The following C6orf52 variants were observed in gnomAD, a reference collection of about 807,000 sequenced individuals.
C6orf52 encodes putative uncharacterized protein C6orf52.
In C6orf52, 16 loss-of-function variants were observed where a neutral mutation model predicts 16.6. The ratio of observed to expected loss-of-function variants is 0.96; its 90% confidence interval spans 0.65 to 1.46. The LOEUF is 1.46. Ranked by LOEUF, C6orf52 falls within the 40% of genes most tolerant of loss-of-function variation. The pLI is 0.00. For missense variants in C6orf52, 166 were observed against 182.3 expected, an observed-to-expected ratio of 0.91 and a Z score of 0.52; for synonymous variants, 53 against 61.4, an observed-to-expected ratio of 0.86 and a Z score of 0.64.
At chr6:10,672,438 G>T in intron 4 of C6orf52, 1 of 533,064 alleles carries the variant, frequency 1.9e-6, no homozygotes, top group Non-Finnish European at 3.3e-6. Context: ...AAGGCATTTG[G>T]AGATGGGGCC....
At chr6:10,672,800 T>C (rs1767546842) in intron 4 of C6orf52, among the ~76,000 whole-genome samples, 1 of 152,178 alleles carries the variant, frequency 6.6e-6, no homozygotes, top group African/African-American at 2.4e-5. Flanking sequence ...ATCCAGACCC[T>C]GGATATTGGA....
intron 4 of C6orf52, among the ~76,000 whole-genome samples, chr6:10,679,750 G>A (rs777227725): frequency 2.0e-5 from 3 of 152,038 alleles, no homozygotes; most frequent in Non-Finnish European, 2.9e-5. Context: ...CTAATATTAT[G>A]TTGAATAGAA....
intron 1 of C6orf52, among the ~76,000 whole-genome samples, chr6:10,688,753 T>C (rs1769050232): frequency 6.6e-6 from 1 of 152,218 alleles, no homozygotes. Context: ...ACCAGTAGTA[T>C]CCAGCATGTG....
In C6orf52 at chr6:10,687,033, T is replaced by C. The variant is rs1166388371; in HGVS notation, c.203A>G (p.Asn68Ser). 21 of 1,551,618 alleles carry C rather than the reference T, an allele frequency of 1.4e-5. No homozygotes were observed. In the Middle Eastern group the frequency reaches 5.0e-4, roughly 37 times the overall value. The change falls in exon 3 of 5, where the codon AAT becomes AGT. Residue 68 changes from asparagine (N) to serine (S), a missense_variant. By Grantham distance (46) the Asn-to-Ser change is conservative (BLOSUM62 1). Transcript: ENST00000259983. The stretch of plus-strand genomic sequence containing the variant: ...ATGCGCAGAAAAACAGTCCTTTCCA[T>C]TTCCATCCACTGCACAGCCATAGCT... ...GYSYGCAVDG[N>S]GKDCFSAHET...
chr6:10,677,496 T>G (rs566167455), intron 4 of C6orf52, among the ~76,000 whole-genome samples: 2 of 152,170 alleles, frequency 1.3e-5, no homozygotes, highest in African/African-American at 4.8e-5. Context: ...CTATTTAGGT[T>G]TTTTTGTGAT....
intron 4 of C6orf52, 52 bp from the exon 5 acceptor site, chr6:10,671,650 A>T: frequency 1.6e-6 from 2 of 1,214,914 alleles, no homozygotes; most frequent in Non-Finnish European, 2.3e-6. Context: ...CAGGACACAT[A>T]CTAGAAATAG....
intron 4 of C6orf52, among the ~76,000 whole-genome samples, chr6:10,672,361 T>G (rs1445566796): frequency 6.6e-6 from 1 of 152,212 alleles, no homozygotes; most frequent in Non-Finnish European, 1.5e-5. Flanking sequence ...TTCATCTGTA[T>G]GCTTATTAGG....
intron 4 of C6orf52, among the ~76,000 whole-genome samples, chr6:10,675,961 G>A (rs949755701): frequency 1.3e-5 from 2 of 148,338 alleles, no homozygotes; most frequent in Non-Finnish European, 2.9e-5. Flanking sequence ...GTGAAACCCC[G>A]TCTCTACTAA....
chr6:10,681,249 G>GTATA (rs1322337208), intron 4 of C6orf52, among the ~76,000 whole-genome samples: 1 of 152,150 alleles, frequency 6.6e-6, no homozygotes, highest in Non-Finnish European at 1.5e-5. Context: ...ATTTACTGAT[G>GTATA]TATAATTGTT....
chr6:10,686,316 A>ATG (rs1768865181), intron 3 of C6orf52, among the ~76,000 whole-genome samples: 1 of 152,200 alleles, frequency 6.6e-6, no homozygotes, highest in African/African-American at 2.4e-5. Context: ...AAACAGAAAG[A>ATG]TGAACCACAT....
At chr6:10,683,602 A>G (rs1465417979) in intron 3 of C6orf52, among the ~76,000 whole-genome samples, 3 of 152,168 alleles carry the variant, frequency 2.0e-5, no homozygotes, top group African/African-American at 7.2e-5. Context: ...GACTCTACCT[A>G]GAGTTCTGCT....
At chr6:10,684,710 G>A (rs1045952799) in intron 3 of C6orf52, 5 of 402,112 alleles carry the variant, frequency 1.2e-5, no homozygotes, top group African/African-American at 4.2e-5. Flanking sequence ...TTTAACTTGG[G>A]GAGATAAAGG....
intron 4 of C6orf52, among the ~76,000 whole-genome samples, chr6:10,672,889 A>G (rs1767554922): frequency 6.6e-6 from 1 of 152,222 alleles, no homozygotes; most frequent in African/African-American, 2.4e-5. Context: ...CAGTAGCCCT[A>G]GAAGACTAAT....
chr6:10,691,924 A>C (rs961075790), intron 1 of C6orf52, among the ~76,000 whole-genome samples: 1 of 152,160 alleles, frequency 6.6e-6, no homozygotes, highest in African/African-American at 2.4e-5. Flanking sequence ...TATATTCTAA[A>C]ATTCCTGGTT....
intron 3 of C6orf52, among the ~76,000 whole-genome samples, chr6:10,685,372 A>T (rs2127468136): frequency 1.3e-5 from 2 of 152,294 alleles, no homozygotes; most frequent in African/African-American, 4.8e-5. Context: ...GGGGGAAAAA[A>T]TGACAAGAAA....
chr6:10,672,574 A>C (rs1441273910), intron 4 of C6orf52: 2 of 701,928 alleles, frequency 2.8e-6, no homozygotes, highest in East Asian at 2.7e-5. Flanking sequence ...TGGGAAGCTG[A>C]GACCAGTGAA....
intron 4 of C6orf52, among the ~76,000 whole-genome samples, chr6:10,681,018 T>C (rs1581545592): frequency 6.6e-6 from 1 of 152,298 alleles, no homozygotes; most frequent in East Asian, 1.9e-4. Context: ...CCAAGTCTGG[T>C]CTCAAGCCCC....
At chr6:10,675,124 G>C (rs541481057) in intron 4 of C6orf52, among the ~76,000 whole-genome samples, 4 of 152,082 alleles carry the variant, frequency 2.6e-5, no homozygotes, top group South Asian at 4.2e-4. Context: ...TAAATCTCTT[G>C]AACGGTATTC....
At chr6:10,694,751 A>G, upstream of C6orf52, 1 of 448,198 alleles carries the variant, frequency 2.2e-6, no homozygotes, top group Admixed American at 4.0e-5. Flanking sequence ...CCTTGCAGTG[A>G]GAACCTCCTC....
Sources: gnomAD v4.1 joint callset for allele counts (sites outside exome capture counted in the v4.1 genomes callset) on GRCh38, gnomAD v4.1.1 for gene constraint, MANE v1.5 for transcripts, NCBI Gene and HGNC (gene_info 2026-07-23, HGNC 2026-07-21) for gene names.